The following CDH11 variants were observed in gnomAD, a reference collection of about 807,000 sequenced individuals.
CDH11 encodes cadherin-11.
In CDH11, 11 loss-of-function variants were observed where a neutral mutation model predicts 67.8. That is an observed-to-expected ratio of 0.16 (90% CI 0.10 to 0.27). The LOEUF is 0.27. CDH11 is among the 10% of genes least tolerant of loss of function. CDH11 has a pLI of 1.00. For synonymous variants in CDH11, 419 were observed against 400.0 expected (o/e 1.05, Z -0.57); for missense variants, 847 against 1,031.2 (o/e 0.82, Z 2.45).
chr16:65,050,715 C>G (rs1380840644), intron 2 of CDH11, among the ~76,000 whole-genome samples: 1 of 151,922 alleles, frequency 6.6e-6, no homozygotes, highest in Non-Finnish European at 1.5e-5. Flanking sequence ...ATGCCACCAG[C>G]CTTGGAGTAA....
At position 64,971,659 on chromosome 16, in the gene CDH11, G is replaced by A. The variant is rs566774546; in HGVS notation, c.1562C>T (p.Thr521Met). The A allele has an allele frequency of 1.8e-5, 29 of 1,613,114 alleles. No homozygotes were observed. Among genetic ancestry groups the A allele is most frequent in the South Asian group, 1.1e-4 (10 of 90,928 alleles). The change falls in exon 11 of 13, where the codon ACG becomes ATG. Residue 521 changes from threonine to methionine, a missense_variant. By Grantham distance (81) the Thr-to-Met change is moderately conservative. Transcript: ENST00000268603. ...GAAGATAAATCTTGGTCCATTGGCCGTGTCATCCTTGTCATCTGCACTAAT... is the reference window on the plus strand; with the variant it reads ...GAAGATAAATCTTGGTCCATTGGCCATGTCATCCTTGTCATCTGCACTAAT... ...VTISADDKDDTANGPRFIFSL... is the reference protein window; with the variant it reads ...VTISADDKDDMANGPRFIFSL...
intron 2 of CDH11, among the ~76,000 whole-genome samples, chr16:65,050,481 G>A (rs1024940075): frequency 6.6e-6 from 1 of 152,178 alleles, no homozygotes; most frequent in Admixed American, 6.5e-5. Flanking sequence ...GTTCAAGAAA[G>A]TCTGGCATCT....
intron 2 of CDH11, among the ~76,000 whole-genome samples, chr16:65,019,479 T>A (rs1309359737): frequency 6.6e-6 from 1 of 152,210 alleles, no homozygotes; most frequent in Non-Finnish European, 1.5e-5. Context: ...TAATATTACA[T>A]GAAAATCTTG....
chr16:65,120,723 G>A (rs1338495695), intron 1 of CDH11, among the ~76,000 whole-genome samples: 1 of 152,176 alleles, frequency 6.6e-6, no homozygotes, highest in Non-Finnish European at 1.5e-5. Context: ...AAGCAACAGG[G>A]CTTCTTCTAG....
chr16:65,088,243 C>T (rs763018678), intron 1 of CDH11, among the ~76,000 whole-genome samples: 1 of 152,138 alleles, frequency 6.6e-6, no homozygotes, highest in Non-Finnish European at 1.5e-5. Flanking sequence ...CTTGAAGTTC[C>T]TATCCTCCAG....
intron 8 of CDH11, chr16:64,981,122 T>TAC (rs753246536): frequency 2.4e-5 from 3 of 127,638 alleles, no homozygotes; most frequent in South Asian, 2.4e-4. Context: ...TTTTTTTTTT[T>TAC]TGAGACAGGG....
intron 3 of CDH11, among the ~76,000 whole-genome samples, chr16:65,002,766 C>T (rs188075630): frequency 8.0e-4 from 122 of 152,218 alleles, no homozygotes; most frequent in African/African-American, 2.8e-3. Flanking sequence ...TTCTCTTTCC[C>T]CTTTACCTTC....
intron 1 of CDH11, among the ~76,000 whole-genome samples, chr16:65,096,463 G>A (rs2074897762): frequency 6.9e-6 from 1 of 145,870 alleles, no homozygotes; most frequent in Non-Finnish European, 1.5e-5. Flanking sequence ...GTTTATATAT[G>A]TGTGTATATA....
At chr16:65,045,355 A>ATATCTATC (rs1567546337) in intron 2 of CDH11, among the ~76,000 whole-genome samples, 1 of 124,726 alleles carries the variant, frequency 8.0e-6, no homozygotes, top group Non-Finnish European at 1.7e-5. Context: ...ATATATATAT[A>ATATCTATC]TATATATATA....
At chr16:65,043,070 A>C (rs74026235) in intron 2 of CDH11, among the ~76,000 whole-genome samples, 1,669 of 152,362 alleles carry the variant, frequency 0.011, 30 homozygotes, top group African/African-American at 0.037. Context: ...GCATAATTTT[A>C]GTGCAGAAAC....
rs2071302435 is a variant in CDH11 at position 64,949,642 on chromosome 16, T to A, written c.1894+1125A>T. On this transcript the variant is annotated intron_variant, in intron 12 of 12. Coordinates refer to ENST00000268603, the MANE Select transcript of CDH11 (RefSeq NM_001797.4). The stretch of plus-strand genomic sequence containing the variant: ...GGTTTCTCCATGTTGTTCAGGCTGG[T>A]CTTGAACTCCCAACTTCAGGTGATC... 2.0e-5 allele frequency among the ~76,000 whole-genome samples: 3 copies of A among 152,038 alleles called. No individual in the cohort carries two copies. In the South Asian group the frequency reaches 6.2e-4, roughly 32 times the overall value.
At chr16:64,995,022 A>G (rs1322363913) in intron 4 of CDH11, among the ~76,000 whole-genome samples, 1 of 152,162 alleles carries the variant, frequency 6.6e-6, no homozygotes, top group Non-Finnish European at 1.5e-5. Flanking sequence ...GATCTGTACA[A>G]GGAGAATTTC....
At chr16:65,045,883 T>C (rs571038235) in intron 2 of CDH11, among the ~76,000 whole-genome samples, 4 of 152,142 alleles carry the variant, frequency 2.6e-5, no homozygotes, top group Non-Finnish European at 5.9e-5. Flanking sequence ...AGCATGCACA[T>C]GTCTTGGCCC....
chr16:65,061,425 T>C (rs1486541856), intron 1 of CDH11, among the ~76,000 whole-genome samples: 1 of 152,232 alleles, frequency 6.6e-6, no homozygotes, highest in African/African-American at 2.4e-5. Flanking sequence ...AGGACTGTAA[T>C]AATGTACTCA....
chr16:65,034,929 C>A (rs2073721384), intron 2 of CDH11, among the ~76,000 whole-genome samples: 1 of 152,184 alleles, frequency 6.6e-6, no homozygotes, highest in African/African-American at 2.4e-5. Context: ...CATCCCATCT[C>A]CTCATTTCCT....
At chr16:65,048,684 G>A (rs924453436) in intron 2 of CDH11, among the ~76,000 whole-genome samples, 14 of 151,614 alleles carry the variant, frequency 9.2e-5, no homozygotes, top group South Asian at 2.1e-4. Context: ...ATGTATATAT[G>A]TGTGTGTATA....
intron 2 of CDH11, among the ~76,000 whole-genome samples, chr16:65,032,013 G>A (rs2073652837): frequency 6.6e-6 from 1 of 152,176 alleles, no homozygotes; most frequent in South Asian, 2.1e-4. Flanking sequence ...TGCGATTGTT[G>A]TGGGAGAAGG....
intron 1 of CDH11, among the ~76,000 whole-genome samples, chr16:65,062,487 A>G (rs1261667956): frequency 2.6e-5 from 4 of 152,364 alleles, no homozygotes; most frequent in African/African-American, 9.6e-5. Flanking sequence ...AATACAACTG[A>G]TTTATGATAT....
chr16:64,985,728 G>A (rs2072470424), intron 7 of CDH11: 1 of 149,028 alleles, frequency 6.7e-6, no homozygotes. Context: ...GTTGGGTGGG[G>A]TAGAGCACGT....
Sources: allele counts gnomAD v4.1 joint callset (sites outside exome capture counted in the v4.1 genomes callset), GRCh38; gene constraint gnomAD v4.1.1; transcripts MANE v1.5; gene names NCBI Gene and HGNC (gene_info 2026-07-23, HGNC 2026-07-21).